The following PCDH7 variants were observed in gnomAD, a reference collection of about 807,000 sequenced individuals.
The protein encoded by PCDH7 is protocadherin 7.
In PCDH7, 17 loss-of-function variants were observed where a neutral mutation model predicts 58.9. That is an observed-to-expected ratio of 0.29 (90% CI 0.20 to 0.43). PCDH7 has a LOEUF of 0.43. Among genes scored for constraint, PCDH7 ranks in the 20% least tolerant of loss-of-function variants. The pLI is 1.00. For synonymous variants in PCDH7, 664 were observed against 616.4 expected (o/e 1.08, Z -1.14); for missense variants, 1,274 against 1,441.0 (o/e 0.88, Z 1.88).
At chr4:30,754,726 T>G (rs914825043) in intron 1 of PCDH7, among the ~76,000 whole-genome samples, 1 of 150,192 alleles carries the variant, frequency 6.7e-6, no homozygotes, top group Non-Finnish European at 1.5e-5. Context: ...GTTTGGTATT[T>G]AAATATTTTA....
At chr4:31,067,898 A>G (rs1219128056) in intron 3 of PCDH7, among the ~76,000 whole-genome samples, 2 of 151,988 alleles carry the variant, frequency 1.3e-5, no homozygotes, top group Non-Finnish European at 2.9e-5. Flanking sequence ...AATACCTTAC[A>G]TTCTGAAAGA....
At chr4:31,114,992 T>A (rs1179822650) in intron 3 of PCDH7, among the ~76,000 whole-genome samples, 1 of 152,204 alleles carries the variant, frequency 6.6e-6, no homozygotes, top group African/African-American at 2.4e-5. Flanking sequence ...ATATTCATTA[T>A]TGCCGCTGTA....
chr4:30,859,728 C>T (rs1733958212), intron 1 of PCDH7, among the ~76,000 whole-genome samples: 1 of 152,082 alleles, frequency 6.6e-6, no homozygotes, highest in Non-Finnish European at 1.5e-5. Context: ...ACGTGAGCCA[C>T]CATGCCGGGC....
Position 31,055,869 on chromosome 4 carries a change from C to T in PCDH7, c.*8-86604C>T, listed in dbSNP as rs535479758. On this transcript the variant is annotated intron_variant, in intron 3 of 3. Transcript: ENST00000509759. ...TAGGATTACAGGCCATATAAAGGCACCTGCACCCAGCCATATAAAGGCTTT... is the reference window on the plus strand; with the variant it reads ...TAGGATTACAGGCCATATAAAGGCATCTGCACCCAGCCATATAAAGGCTTT... Among the ~76,000 whole-genome samples the T allele has an allele frequency of 1.3e-3, 200 of 152,140 alleles. 5 individuals are homozygous for T. The South Asian group carries it at 0.024, about 18-fold the overall frequency.
chr4:31,077,439 GA>G (rs1235364895), intron 3 of PCDH7, among the ~76,000 whole-genome samples: 5 of 149,868 alleles, frequency 3.3e-5, no homozygotes, highest in African/African-American at 9.8e-5. Context: ...AAGAAAAAAA[GA>G]AAAAAAATAT....
At chr4:30,727,175 T>C (rs1261470844) in intron 1 of PCDH7, among the ~76,000 whole-genome samples, 1 of 151,972 alleles carries the variant, frequency 6.6e-6, no homozygotes, top group Admixed American at 6.6e-5. Flanking sequence ...TTTACATTCA[T>C]TTTATTTATA....
intron 3 of PCDH7, among the ~76,000 whole-genome samples, chr4:31,002,568 A>C (rs945247829): frequency 1.3e-5 from 2 of 152,224 alleles, no homozygotes; most frequent in Admixed American, 1.3e-4. Context: ...AGGAATGGAG[A>C]TGTAATCCCA....
chr4:31,098,216 G>A (rs930002416), intron 3 of PCDH7, among the ~76,000 whole-genome samples: 2 of 152,208 alleles, frequency 1.3e-5, no homozygotes, highest in Non-Finnish European at 1.5e-5. Flanking sequence ...TTCCCATTGT[G>A]AAAGCATATT....
intron 3 of PCDH7, among the ~76,000 whole-genome samples, chr4:31,027,570 G>C (rs921906611): frequency 6.6e-6 from 1 of 151,878 alleles, no homozygotes; most frequent in Non-Finnish European, 1.5e-5. Flanking sequence ...TTATAGCCAT[G>C]CACCACCACG....
At chr4:30,997,463 T>G (rs886725920) in intron 3 of PCDH7, among the ~76,000 whole-genome samples, 1 of 152,156 alleles carries the variant, frequency 6.6e-6, no homozygotes, top group Non-Finnish European at 1.5e-5. Flanking sequence ...AAAATATAAA[T>G]GTGGATGGTA....
At chr4:30,977,682 T>C (rs6813708) in intron 3 of PCDH7, among the ~76,000 whole-genome samples, 22,187 of 152,116 alleles carry the variant, frequency 0.15, 1,766 homozygotes, top group Non-Finnish European at 0.17. Context: ...TTGGAGCTCC[T>C]ATTATTCATT....
At chr4:31,058,306 CTGTT>C (rs1757418793) in intron 3 of PCDH7, among the ~76,000 whole-genome samples, 1 of 152,010 alleles carries the variant, frequency 6.6e-6, no homozygotes, top group Non-Finnish European at 1.5e-5. Flanking sequence ...TTAATCCATT[CTGTT>C]TAATAGAGTA....
chr4:30,978,430 C>A (rs1468167371), intron 3 of PCDH7, among the ~76,000 whole-genome samples: 1 of 152,104 alleles, frequency 6.6e-6, no homozygotes, highest in Non-Finnish European at 1.5e-5. Flanking sequence ...TGTTTAATAG[C>A]CCATATAGCC....
chr4:30,730,603 A>C, intron 1 of PCDH7: 18 of 529,310 alleles, frequency 3.4e-5, no homozygotes, highest in Non-Finnish European at 4.7e-5. Flanking sequence ...CCCCAAGTGT[A>C]TTTATTATTT....
intron 3 of PCDH7, among the ~76,000 whole-genome samples, chr4:30,962,246 G>T (rs568961563): frequency 6.6e-6 from 1 of 152,072 alleles, no homozygotes; most frequent in Non-Finnish European, 1.5e-5. Flanking sequence ...AATGACTCTC[G>T]AATTGATAGA....
chr4:30,752,164 C>G (rs1291419058), intron 1 of PCDH7, among the ~76,000 whole-genome samples: 1 of 151,582 alleles, frequency 6.6e-6, no homozygotes, highest in Non-Finnish European at 1.5e-5. Context: ...TGGAGTCTCA[C>G]TCTGTCGCAC....
Position 30,985,183 on chromosome 4 carries a change from G to A in PCDH7, c.*7+34968G>A, listed in dbSNP as rs1365056922. Among the ~76,000 whole-genome samples the A allele has an allele frequency of 1.8e-4, 27 of 152,074 alleles. 1 individual carries two copies. The highest frequency in any genetic ancestry group is 1.8e-3 in the Admixed American group (27 of 15,270). Reference sequence around the variant, plus strand: ...TGTTGGCCAGGCTGGTCTCGAACTTGTGACCTCAAGTGATCTGCCCACCTT... The same window carrying A: ...TGTTGGCCAGGCTGGTCTCGAACTTATGACCTCAAGTGATCTGCCCACCTT... On this transcript the variant is annotated intron_variant, in intron 3 of 3. Transcript: ENST00000509759.
rs1275579219 is a variant in PCDH7, at chr4:31,082,980, C to T, written c.*8-59493C>T. Among the ~76,000 whole-genome samples the T allele has an allele frequency of 2.6e-5, 4 of 152,124 alleles. No homozygotes were observed. In the East Asian group the frequency reaches 5.8e-4, roughly 22 times the overall value. On this transcript the variant is annotated intron_variant, in intron 3 of 3. Coordinates refer to the PCDH7 transcript ENST00000509759. ...AAAATTAGCTGGGTGTGGTGGTGGG[C>T]ACCTGTAGTCCCAGCTACTCGGGAG...
chr4:30,806,497 G>A lies in PCDH7; in HGVS notation c.70+81901G>A, dbSNP rs185099771. Among the ~76,000 whole-genome samples, 119 of 151,736 alleles carry A rather than the reference G, an allele frequency of 7.8e-4. 1 individual carries two copies. Among genetic ancestry groups the A allele is most frequent in the African/African-American group, 2.7e-3 (113 of 41,352 alleles). ...TTTGTACTTTTTTTAGTAAAGAAGG[G>A]GTTTCACCATGTTGGTCAGGCTGGT... On this transcript the variant is annotated intron_variant, in intron 1 of 3. Transcript: ENST00000509759.
Sources: allele counts gnomAD v4.1 joint callset (sites outside exome capture counted in the v4.1 genomes callset), GRCh38; gene constraint gnomAD v4.1.1; transcripts MANE v1.5; gene names NCBI Gene and HGNC (gene_info 2026-07-23, HGNC 2026-07-21).